PNN: variants seen among roughly 807,000 people sequenced by gnomAD.
The protein encoded by PNN is pinin.
Under a neutral mutation model 76.6 loss-of-function variants are expected in PNN, and 38 were observed. That is an observed-to-expected ratio of 0.50 (90% confidence interval 0.38 to 0.65). The LOEUF (loss-of-function observed/expected upper bound fraction) is 0.65, where lower values mean the gene tolerates loss of function less well. Among genes scored for constraint, PNN ranks in the 30% least tolerant of loss-of-function variants. The probability of loss-of-function intolerance (pLI) is 0.00; values close to 1 mark genes in which losing one functional copy is unlikely to be tolerated. For synonymous variants in PNN, 366 were observed against 283.7 expected (o/e 1.29, Z -2.91); for missense variants, 873 against 874.1 (o/e 1.00, Z 0.02).
At chr14:39,178,211 CTAGT>C (rs1399735310) in intron 6 of PNN, among the ~76,000 whole-genome samples, 1 of 152,072 alleles carries the variant, frequency 6.6e-6, no homozygotes, top group African/African-American at 2.4e-5. Flanking sequence ...GTGCTAAGTT[CTAGT>C]TAGTTGGTAT....
At chr14:39,180,373 A>G in intron 8 of PNN, 130 bp from the exon 9 acceptor site, 1 of 955,666 alleles carries the variant, frequency 1.0e-6, no homozygotes, top group Non-Finnish European at 1.5e-6. Context: ...TAATTGCCAT[A>G]ATCTTTTGTC....
At chr14:39,180,360 A>T in intron 8 of PNN, 143 bp from the exon 9 acceptor site, 2 of 767,024 alleles carry the variant, frequency 2.6e-6, no homozygotes, top group Non-Finnish European at 3.9e-6. Context: ...GTTTGTGGTT[A>T]CTTAATTGCC....
In PNN at chr14:39,177,916, G is replaced by C; in HGVS notation, c.498G>C (p.Arg166Ser). 6.3e-7 allele frequency: 1 copy of C among 1,584,390 alleles called. No individual in the cohort carries two copies. Residue 166 changes from arginine (R) to serine (S), a missense_variant and splice_region_variant, in exon 6 of 9, where the codon AGG (arginine) becomes AGC (serine). Physicochemically the swap from Arg to Ser is moderately radical, Grantham distance 110 (BLOSUM62 -1). This residue lies in a region of PNN where 712 missense variants were observed against 693.1 expected (regional missense o/e 1.03). Transcript: ENST00000216832. ...FKQESTVATE[R>S]QKRRQEIEQK... is the part of the protein sequence containing the mutation. ...AAGAATCCACTGTTGCTACTGAAAGGGTATTTATCCAAGTTTTGTTTTGCA... is the reference window on the plus strand; with the variant it reads ...AAGAATCCACTGTTGCTACTGAAAGCGTATTTATCCAAGTTTTGTTTTGCA...
At chr14:39,175,947 A>G (rs1434637221) in intron 1 of PNN, 131 bp from the exon 2 acceptor site, 6 of 626,776 alleles carry the variant, frequency 9.6e-6, no homozygotes, top group Non-Finnish European at 1.7e-5. Context: ...TCAGACATTT[A>G]GATTTATTTG....
intron 3 of PNN, among the ~76,000 whole-genome samples, 162 bp downstream of exon 3, chr14:39,176,757 C>T (rs1176482375): frequency 6.6e-6 from 1 of 152,134 alleles, no homozygotes; most frequent in East Asian, 1.9e-4. Flanking sequence ...GAACAGTTGA[C>T]TATCAGTTCC....
rs758139719 is a variant in PNN at position 39,180,651 on chromosome 14, G to A, written c.942G>A (p.Gln314=). The change falls in exon 9 of 9, where the codon CAG becomes CAA. Residue 314 remains glutamine (Q), a synonymous_variant. Coordinates refer to ENST00000216832, the MANE Select transcript of PNN (RefSeq NM_002687.4). ...KAEQEEGKVA[Q]REEELEETGN... Reference sequence around the variant, plus strand: ...AACAAGAAGAGGGTAAGGTGGCTCAGCGAGAGGAAGAGTTGGAGGAGACAG... The same window carrying A: ...AACAAGAAGAGGGTAAGGTGGCTCAACGAGAGGAAGAGTTGGAGGAGACAG... 1.2e-6 allele frequency: 2 copies of A among 1,613,230 alleles called. No individual in the cohort carries two copies. The highest frequency in any genetic ancestry group is 1.1e-5 in the South Asian group (1 of 90,948).
chr14:39,179,657 G>T lies in PNN; in HGVS notation c.793+195G>T, dbSNP rs552566586. Among the ~76,000 whole-genome samples, 21 of 152,216 alleles carry T rather than the reference G, an allele frequency of 1.4e-4. No homozygotes were observed. In the South Asian group the frequency reaches 4.3e-3, roughly 32 times the overall value. ...GCCTGTAATCCCAGCACTTTGGGAGGCTGAGGCAGGCAGATCATGAGGTCA... is the reference window on the plus strand; with the variant it reads ...GCCTGTAATCCCAGCACTTTGGGAGTCTGAGGCAGGCAGATCATGAGGTCA... On this transcript the variant is annotated intron_variant, in intron 8 of 8. Transcript: ENST00000216832.
chr14:39,176,205 T>C (rs1475219045), intron 2 of PNN, 56 bp downstream of exon 2: 3 of 1,016,560 alleles, frequency 3.0e-6, no homozygotes, highest in Admixed American at 1.8e-5. Flanking sequence ...TTACTAAATA[T>C]GTTGGTTTGA....
In PNN at chr14:39,182,301, A is replaced by C. The variant is rs2053276199; in HGVS notation, c.*438A>C. ...TTGTATAATAAATATCCTCTTTATC[A>C]TTTTCAGCTTTTAACACTAGATACT... On this transcript the variant is annotated 3_prime_UTR_variant, in exon 9 of 9. Transcript: ENST00000216832. 6.4e-6 allele frequency: 1 copy of C among 155,134 alleles called. No individual in the cohort carries two copies. The highest frequency in any genetic ancestry group is 6.3e-5 in the Admixed American group (1 of 15,784). The allele number at this position is 155,134 out of a possible 1,614,324, so 9.6% of individuals were successfully genotyped here.
chr14:39,175,521 G>T lies in PNN; in HGVS notation c.113+129G>T, dbSNP rs866802168. On this transcript the variant is annotated intron_variant, in intron 1 of 8. Transcript: ENST00000216832. ...CCTCGAGGCCTGTTCGCGGGGCGGC[G>T]GGTAAAACCCTGTTGTCGCCGAGGT... The T allele has an allele frequency of 5.2e-4, 356 of 683,506 alleles. No individual in the cohort carries two copies. The Middle Eastern group carries it at 7.6e-3, about 15-fold the overall frequency. 42.3% of individuals were successfully genotyped at this position (683,506 alleles called of 1,614,324 possible).
rs1251440767 is a variant in PNN at position 39,181,706 on chromosome 14, C to A, written c.1997C>A (p.Ser666Tyr). ...TCAGGACTAGAAAGAAGTCACAAATCTTCAAAAGGTGGTAGTAGTAGAGAT... is the reference window on the plus strand; with the variant it reads ...TCAGGACTAGAAAGAAGTCACAAATATTCAAAAGGTGGTAGTAGTAGAGAT... The part of the protein sequence containing the change: ...DTSGLERSHK[S>Y]SKGGSSRDTK... The change falls in exon 9 of 9, where the codon TCT becomes TAT. Residue 666 changes from serine (S) to tyrosine (Y), a missense_variant. Physicochemically the swap from Ser to Tyr is moderately radical, Grantham distance 144 (BLOSUM62 -2). Transcript: ENST00000216832. 1 of 1,614,002 alleles carries A rather than the reference C, an allele frequency of 6.2e-7. No individual in the cohort carries two copies. The highest frequency in any genetic ancestry group is 8.5e-7 in the Non-Finnish European group (1 of 1,179,974).
intron 8 of PNN, 24 bp downstream of exon 8, chr14:39,179,486 G>T: frequency 6.3e-7 from 1 of 1,598,804 alleles, no homozygotes; most frequent in Non-Finnish European, 8.5e-7. Flanking sequence ...GAGGTCCATT[G>T]AATTGTTCAT....
intron 3 of PNN, among the ~76,000 whole-genome samples, chr14:39,177,016 C>T (rs1054295831): frequency 2.0e-5 from 3 of 152,196 alleles, no homozygotes; most frequent in South Asian, 2.1e-4. Context: ...TAGAACAAAG[C>T]TTCTGGAAAC....
chr14:39,177,534 C>T lies in PNN; in HGVS notation c.327+50C>T, dbSNP rs904834186. The T allele has an allele frequency of 4.4e-6, 7 of 1,590,960 alleles. No individual in the cohort carries two copies. The East Asian group carries it at 1.6e-4, about 36-fold the overall frequency. On this transcript the variant is annotated intron_variant, in intron 4 of 8. Transcript: ENST00000216832. ...TGAATGTAGTACCTTCACTTTACTA[C>T]ATTTAAAAGCACACCACTCATATGC...
chr14:39,180,787 C>G lies in PNN; in HGVS notation c.1078C>G (p.Gln360Glu). 1.9e-6 allele frequency: 3 copies of G among 1,610,500 alleles called. No individual in the cohort carries two copies. Among genetic ancestry groups the G allele is most frequent in the Non-Finnish European group, 2.5e-6 (3 of 1,178,114 alleles). ...EKEQEEEEQK[Q>E]EMEVKMEEET... is the part of the protein sequence containing the mutation. ...AGAACAGGAGGAGGAAGAACAAAAA[C>G]AGGAAATGGAGGTTAAGATGGAGGA... Residue 360 changes from glutamine to glutamate, a missense_variant, in exon 9 of 9, where the codon CAG (glutamine) becomes GAG (glutamate). Transcript: ENST00000216832.
In PNN at chr14:39,181,179, C is replaced by T. The variant is rs756361592; in HGVS notation, c.1470C>T (p.Ser490=). 1 of 1,608,032 alleles carries T rather than the reference C, an allele frequency of 6.2e-7. No individual in the cohort carries two copies. The highest frequency in any genetic ancestry group is 1.1e-5 in the South Asian group (1 of 90,938). ...CCCAGCTTCAGCTTCAATCCCAGTC[C>T]CAACCAGTACTCCAGTCCCAGCCTC... ...SQPQLQLQSQ[S]QPVLQSQPPS... Residue 490 remains serine, a synonymous_variant, in exon 9 of 9, where the codon TCC becomes TCT. Transcript: ENST00000216832.
In PNN at chr14:39,182,065, G is replaced by A. The variant is rs1701707155; in HGVS notation, c.*202G>A. On this transcript the variant is annotated 3_prime_UTR_variant, in exon 9 of 9. Coordinates refer to ENST00000216832, the MANE Select transcript of PNN (RefSeq NM_002687.4). ...TAAGAGTTATTTATCAAAATTATGT[G>A]AGGTTCCAAAATATGTAAAAATGAT... 1 of 480,558 alleles carries A rather than the reference G, an allele frequency of 2.1e-6. No individual in the cohort carries two copies. The highest frequency in any genetic ancestry group is 2.0e-5 in the African/African-American group (1 of 50,690). The allele number at this position is 480,558 out of a possible 1,614,324, so 29.8% of individuals were successfully genotyped here.
At chr14:39,175,717 C>T (rs1164902877) in intron 1 of PNN, 5 of 463,506 alleles carry the variant, frequency 1.1e-5, no homozygotes, top group Admixed American at 4.2e-5. Context: ...CTTCCCGCTC[C>T]GGCGGACACC....
chr14:39,176,559 C>T lies in PNN; in HGVS notation c.218C>T (p.Pro73Leu). 1 of 1,608,794 alleles carries T rather than the reference C, an allele frequency of 6.2e-7. No individual in the cohort carries two copies. Among genetic ancestry groups the T allele is most frequent in the South Asian group, 1.1e-5 (1 of 89,612 alleles). ...TTCTCAGATAGTGGAGGAGGACCCC[C>T]AGCCAAACAGAGAGACCTTGAAGGG... is the stretch of plus-strand genomic sequence containing the variant. ...RGFSDSGGGP[P>L]AKQRDLEGAV... The change falls in exon 3 of 9, where the codon CCA becomes CTA. Residue 73 changes from proline (P) to leucine (L), a missense_variant. Physicochemically the swap from Pro to Leu is moderately conservative, Grantham distance 98. Coordinates refer to ENST00000216832, the MANE Select transcript of PNN (RefSeq NM_002687.4).
Sources: gnomAD v4.1 joint callset for allele counts (sites outside exome capture counted in the v4.1 genomes callset) on GRCh38, gnomAD v4.1.1 for gene constraint, gnomAD v4.1.1 regional missense constraint, MANE v1.5 for transcripts, NCBI Gene and HGNC (gene_info 2026-07-23, HGNC 2026-07-21) for gene names.